The following FAT4 variants were observed in gnomAD, a reference collection of about 807,000 sequenced individuals.
FAT4 encodes the protein protocadherin Fat 4.
Under a neutral mutation model 303.9 loss-of-function variants are expected in FAT4, and 84 were observed. That is an observed-to-expected ratio of 0.28 (90% CI 0.23 to 0.33). FAT4 has a LOEUF of 0.33. FAT4 is among the 10% of genes least tolerant of loss of function. The pLI, the probability that FAT4 is intolerant of heterozygous loss-of-function variation, is 1.00. For missense variants in FAT4, 6,005 were observed against 6,146.8 expected, an observed-to-expected ratio of 0.98 and a Z score of 0.77; for synonymous variants, 2,307 against 2,298.8, an observed-to-expected ratio of 1.00 and a Z score of -0.10.
chr4:125,335,091 T>C lies in FAT4; in HGVS notation c.5175+13505T>C, dbSNP rs537750341. ...AAAATGAAGGAAGTGGGAGTAGAATTTTCTCTGTAGGACAAGACAGCTTTG... is the reference window on the plus strand; with the variant it reads ...AAAATGAAGGAAGTGGGAGTAGAATCTTCTCTGTAGGACAAGACAGCTTTG... On this transcript the variant is annotated intron_variant, in intron 2 of 17. Transcript: ENST00000394329. Among the ~76,000 whole-genome samples, 8 of 152,264 alleles carry C rather than the reference T, an allele frequency of 5.3e-5. No individual in the cohort carries two copies. The South Asian group carries it at 1.7e-3, about 32-fold the overall frequency.
In FAT4 at chr4:125,318,701, G is replaced by T. The variant is rs746714727; in HGVS notation, c.2290G>T (p.Val764Leu). Reference sequence around the variant, plus strand: ...AAAAACAGCTTATCAGTTGCAAATAGTAGCTACTGATGGTGGCAATTTACA... The same window carrying T: ...AAAAACAGCTTATCAGTTGCAAATATTAGCTACTGATGGTGGCAATTTACA... ...EEKTAYQLQIVATDGGNLQSP... is the reference protein window; with the variant it reads ...EEKTAYQLQILATDGGNLQSP... The change falls in exon 2 of 18, where the codon GTA (valine) becomes TTA (leucine). Residue 764 changes from valine (V) to leucine (L), a missense_variant. Transcript: ENST00000394329. The T allele has an allele frequency of 6.2e-7, 1 of 1,614,118 alleles. No individual in the cohort carries two copies. Among genetic ancestry groups the T allele is most frequent in the Admixed American group, 1.7e-5 (1 of 60,036 alleles).
chr4:125,416,365 C>A, intron 6 of FAT4, 83 bp from the exon 7 acceptor site: 1 of 1,234,016 alleles, frequency 8.1e-7, no homozygotes, highest in Non-Finnish European at 1.1e-6. Flanking sequence ...ATAGTTTTAC[C>A]TCATTTTTTT....
chr4:125,488,087 GAGAA>G (rs1727474436), intron 17 of FAT4, among the ~76,000 whole-genome samples: 2 of 152,266 alleles, frequency 1.3e-5, no homozygotes, highest in East Asian at 3.9e-4. Context: ...AGTGAAAAAA[GAGAA>G]AGGAAGGGGA....
intron 2 of FAT4, among the ~76,000 whole-genome samples, chr4:125,379,607 A>G (rs1733462502): frequency 6.6e-6 from 1 of 151,876 alleles, no homozygotes; most frequent in East Asian, 1.9e-4. Context: ...TTACAGGCTC[A>G]TGCCACCATG....
intron 2 of FAT4, among the ~76,000 whole-genome samples, chr4:125,331,274 A>T (rs1412977110): frequency 6.6e-6 from 1 of 152,186 alleles, no homozygotes. Flanking sequence ...GATGCTCAGT[A>T]AATCATTGAT....
chr4:125,328,212 G>A (rs1731233017), intron 2 of FAT4, among the ~76,000 whole-genome samples: 1 of 152,200 alleles, frequency 6.6e-6, no homozygotes, highest in African/African-American at 2.4e-5. Context: ...GAGAAGGAGA[G>A]TATAGGGAAT....
At chr4:125,475,971 C>A (rs1209416927) in intron 12 of FAT4, among the ~76,000 whole-genome samples, 200 bp from the exon 13 acceptor site, 1 of 151,926 alleles carries the variant, frequency 6.6e-6, no homozygotes, top group Non-Finnish European at 1.5e-5. Context: ...TATAGATAGT[C>A]ATAATTTTAG....
chr4:125,398,445 TGACA>T (rs1734262396), intron 2 of FAT4, among the ~76,000 whole-genome samples: 1 of 152,166 alleles, frequency 6.6e-6, no homozygotes, highest in African/African-American at 2.4e-5. Flanking sequence ...AATGGTTGAA[TGACA>T]GACAGTGCTG....
At chr4:125,462,374 G>A (rs1168708474) in intron 10 of FAT4, among the ~76,000 whole-genome samples, 1 of 151,880 alleles carries the variant, frequency 6.6e-6, no homozygotes, top group Non-Finnish European at 1.5e-5. Context: ...GTGAAATTGG[G>A]CTGGGAAGTA....
chr4:125,453,504 C>T (rs1443726352), intron 10 of FAT4, among the ~76,000 whole-genome samples: 1 of 151,966 alleles, frequency 6.6e-6, no homozygotes, highest in African/African-American at 2.4e-5. Context: ...GCTGAGAGAT[C>T]GAGACCATCC....
In FAT4 at chr4:125,452,391, G is replaced by C. The variant is rs750610263; in HGVS notation, c.11381G>C (p.Arg3794Pro). 6.2e-7 allele frequency: 1 copy of C among 1,614,142 alleles called. No homozygotes were observed. The highest frequency in any genetic ancestry group is 1.3e-5 in the African/African-American group (1 of 75,056). ...GAAAGCATCAAAGAGATCCTTCTCC[G>C]GCAGAGTGGAGTAAAGGTGGAATCT... ...FFESIKEILL[R>P]QSGVKVESVD... The change falls in exon 10 of 18, where the codon CGG becomes CCG. Residue 3794 changes from arginine (R) to proline (P), a missense_variant. Coordinates refer to ENST00000394329, the MANE Select transcript of FAT4 (RefSeq NM_001291303.3).
intron 10 of FAT4, 83 bp from the exon 11 acceptor site, chr4:125,463,480 G>C (rs770352587): frequency 1.4e-6 from 1 of 736,650 alleles, no homozygotes; most frequent in Non-Finnish European, 2.1e-6. Flanking sequence ...CCTTAGGAAA[G>C]ATTTTTACGT....
At chr4:125,412,786 C>T (rs192618560) in intron 5 of FAT4, among the ~76,000 whole-genome samples, 54 of 151,872 alleles carry the variant, frequency 3.6e-4, no homozygotes, top group African/African-American at 1.3e-3. Context: ...GTATTTTGAT[C>T]TTAGATATGA....
intron 7 of FAT4, among the ~76,000 whole-genome samples, chr4:125,428,307 A>G (rs1021807698): frequency 2.0e-5 from 3 of 152,180 alleles, no homozygotes; most frequent in African/African-American, 4.8e-5. Flanking sequence ...TCAAAAAAAA[A>G]AGTCTTATTT....
At chr4:125,477,397 A>C in intron 14 of FAT4, 63 bp downstream of exon 14, 1 of 1,346,128 alleles carries the variant, frequency 7.4e-7, no homozygotes, top group Non-Finnish European at 1.0e-6. Context: ...TGCTTCAGTG[A>C]GCATCAAAAG....
chr4:125,342,600 C>A (rs1340035703), intron 2 of FAT4, among the ~76,000 whole-genome samples: 1 of 151,792 alleles, frequency 6.6e-6, no homozygotes, highest in African/African-American at 2.4e-5. Context: ...CTCATATTTC[C>A]TGTTAAAAAT....
Position 125,316,384 on chromosome 4 carries a change from T to TA in FAT4, c.-12-15dup. 1 of 1,569,300 alleles carries TA rather than the reference T, an allele frequency of 6.4e-7. No individual in the cohort carries two copies. The highest frequency in any genetic ancestry group is 8.6e-7 in the Non-Finnish European group (1 of 1,156,176). ...GTTTGCTTCACCCCTTCCTTCTCTT[T>TA]ATCACATCGTTTTAGGGAGCCAGGA... is the stretch of plus-strand genomic sequence containing the variant. On this transcript the variant is annotated splice_polypyrimidine_tract_variant and intron_variant, in intron 1 of 17. Coordinates refer to ENST00000394329, the MANE Select transcript of FAT4 (RefSeq NM_001291303.3). This position sits in a 1 kb window ranked among gnomAD's most constrained non-coding sequence, Gnocchi z 5.7.
intron 2 of FAT4, among the ~76,000 whole-genome samples, chr4:125,348,772 T>C (rs947090693): frequency 2.0e-5 from 3 of 151,728 alleles, no homozygotes; most frequent in Non-Finnish European, 4.4e-5. Flanking sequence ...CCGACATCTT[T>C]TTCCTAAAAG....
At chr4:125,482,867 A>C (rs554505773) in intron 16 of FAT4, among the ~76,000 whole-genome samples, 273 of 152,302 alleles carry the variant, frequency 1.8e-3, no homozygotes, top group African/African-American at 6.3e-3. Flanking sequence ...TAGTACAAAA[A>C]CCAATATTTC....
Sources: allele counts gnomAD v4.1 joint callset (sites outside exome capture counted in the v4.1 genomes callset), GRCh38; gene constraint gnomAD v4.1.1; non-coding constraint Gnocchi (gnomAD v3.1); transcripts MANE v1.5; gene names NCBI Gene and HGNC (gene_info 2026-07-23, HGNC 2026-07-21).